Variants in SKI observed in about 807,000 individuals in gnomAD.
SKI encodes SKI proto-oncogene.
In SKI, 23 loss-of-function variants were observed where a neutral mutation model predicts 59.3. The ratio of observed to expected loss-of-function variants is 0.39; its 90% CI spans 0.28 to 0.55. SKI has a LOEUF of 0.55. Among genes scored for constraint, SKI ranks in the 20% least tolerant of loss-of-function variants. The pLI, the probability that SKI is intolerant of heterozygous loss-of-function variation, is 0.67. For missense variants in SKI, 1,017 were observed against 1,038.9 expected, an observed-to-expected ratio of 0.98 and a Z score of 0.29; for synonymous variants, 673 against 488.6, an observed-to-expected ratio of 1.38 and a Z score of -4.98.
At chr1:2,230,926 A>ACTGTCGCCTCTGCT (rs1638622010) in intron 1 of SKI, among the ~76,000 whole-genome samples, 1 of 151,998 alleles carries the variant, frequency 6.6e-6, no homozygotes, top group Non-Finnish European at 1.5e-5. Context: ...GAAGCGAGGG[A>ACTGTCGCCTCTGCT]CTGTCGCCTC....
intron 1 of SKI, among the ~76,000 whole-genome samples, chr1:2,262,841 TG>T (rs1234925595): frequency 6.6e-6 from 1 of 152,206 alleles, no homozygotes; most frequent in Non-Finnish European, 1.5e-5. Flanking sequence ...TGTTCATTCC[TG>T]GGATAGCCCC....
intron 1 of SKI, among the ~76,000 whole-genome samples, chr1:2,300,328 G>C (rs995687029): frequency 6.6e-6 from 1 of 152,260 alleles, no homozygotes; most frequent in African/African-American, 2.4e-5. Context: ...TTGCTTTGGT[G>C]TGTCAGGTCC....
chr1:2,291,861 C>A (rs1207567810), intron 1 of SKI, among the ~76,000 whole-genome samples: 1 of 152,236 alleles, frequency 6.6e-6, no homozygotes, highest in Non-Finnish European at 1.5e-5. Context: ...AAAGAAAAAT[C>A]CGAGTGAACC....
intron 1 of SKI, among the ~76,000 whole-genome samples, chr1:2,277,863 A>G (rs1456133529): frequency 1.3e-5 from 2 of 150,874 alleles, no homozygotes. Context: ...ATACGTGCAC[A>G]CACACATCAG....
chr1:2,259,962 G>A (rs942210359), intron 1 of SKI, among the ~76,000 whole-genome samples: 1 of 152,248 alleles, frequency 6.6e-6, no homozygotes, highest in Non-Finnish European at 1.5e-5. Flanking sequence ...CACAAAGAAA[G>A]CGGCTGTGAA....
intron 4 of SKI, 56 bp downstream of exon 4, chr1:2,304,158 GC>G: frequency 6.2e-7 from 1 of 1,602,092 alleles, no homozygotes; most frequent in Non-Finnish European, 8.5e-7. Context: ...GGTGGCACTG[GC>G]TGAGGGGGGC....
chr1:2,253,361 G>T (rs931057032), intron 1 of SKI, among the ~76,000 whole-genome samples: 1 of 152,194 alleles, frequency 6.6e-6, no homozygotes, highest in African/African-American at 2.4e-5. Context: ...AAGGTGGGAG[G>T]CTCCCCAGAC....
chr1:2,293,426 G>GGC (rs1553199271), intron 1 of SKI, among the ~76,000 whole-genome samples: 1 of 92,526 alleles, frequency 1.1e-5, no homozygotes, highest in Non-Finnish European at 2.3e-5. Flanking sequence ...GCCAGGGCGA[G>GGC]GCCCCCCCCC....
At position 2,270,305 on chromosome 1, in the gene SKI, G is replaced by T. The variant is rs77409011; in HGVS notation, c.970-32673G>T. On this transcript the variant is annotated intron_variant, in intron 1 of 6. Coordinates refer to ENST00000378536, the MANE Select transcript of SKI (RefSeq NM_003036.4). This position sits in a 1 kb window ranked among gnomAD's most constrained non-coding sequence, Gnocchi z 4.1. ...CCTGCGGGCCTGGCATGGGAGTAGGGGCTGAGAGATGCTGGTGACACCACT... is the reference window on the plus strand; with the variant it reads ...CCTGCGGGCCTGGCATGGGAGTAGGTGCTGAGAGATGCTGGTGACACCACT... Among the ~76,000 whole-genome samples, 8,140 of 152,310 alleles carry T rather than the reference G, an allele frequency of 0.053. 294 individuals are homozygous for T. The highest frequency in any genetic ancestry group is 0.15 in the Middle Eastern group (44 of 294).
At chr1:2,305,877 G>C (rs997742137) in intron 5 of SKI, 143 bp from the exon 6 acceptor site, 47 of 727,532 alleles carry the variant, frequency 6.5e-5, no homozygotes, top group Non-Finnish European at 1.0e-4. Flanking sequence ...CACACGGGTT[G>C]GGCTGATGGC....
chr1:2,304,174 C>A, intron 4 of SKI, 72 bp downstream of exon 4: 1 of 1,591,842 alleles, frequency 6.3e-7, no homozygotes, highest in South Asian at 1.1e-5. Context: ...GGGGGCTGGT[C>A]GCCGGGGGTG....
intron 1 of SKI, among the ~76,000 whole-genome samples, chr1:2,265,979 T>TA (rs1220190107): frequency 6.6e-6 from 1 of 151,692 alleles, no homozygotes; most frequent in Non-Finnish European, 1.5e-5. Flanking sequence ...AGGAAAAAAA[T>TA]AAAATTAAAA....
intron 1 of SKI, among the ~76,000 whole-genome samples, chr1:2,294,063 G>A (rs1378200770): frequency 6.6e-6 from 1 of 152,202 alleles, no homozygotes; most frequent in African/African-American, 2.4e-5. Flanking sequence ...GTCAGATATT[G>A]GAAGGATGTC....
At chr1:2,246,490 G>C (rs1392217966) in intron 1 of SKI, among the ~76,000 whole-genome samples, 3 of 152,172 alleles carry the variant, frequency 2.0e-5, no homozygotes, top group Non-Finnish European at 2.9e-5. Flanking sequence ...TCCTGCCTCT[G>C]TTGCTGGAGG....
intron 1 of SKI, among the ~76,000 whole-genome samples, chr1:2,295,742 G>C (rs1308797066): frequency 6.6e-6 from 1 of 151,716 alleles, no homozygotes; most frequent in Admixed American, 6.6e-5. Context: ...ACGTGTGACT[G>C]TGTGTGTCCG....
At chr1:2,262,247 C>G (rs1271640472) in intron 1 of SKI, among the ~76,000 whole-genome samples, 1 of 131,530 alleles carries the variant, frequency 7.6e-6, no homozygotes, top group Non-Finnish European at 1.6e-5. Context: ...TGGACGCCCT[C>G]GCTCCTGATC....
intron 1 of SKI, among the ~76,000 whole-genome samples, chr1:2,248,729 C>T (rs563327842): frequency 4.6e-5 from 7 of 152,228 alleles, no homozygotes; most frequent in African/African-American, 1.4e-4. Context: ...ACTGTCTTTC[C>T]TTCTCACGTC....
rs1450064216 is a variant in SKI, at chr1:2,308,569, C to T, written c.*1804C>T. 4 of 152,060 alleles carry T rather than the reference C, an allele frequency of 2.6e-5. No homozygotes were observed. The highest frequency in any genetic ancestry group is 5.9e-5 in the Non-Finnish European group (4 of 68,026). 9.4% of individuals were successfully genotyped at this position (152,060 alleles called of 1,614,324 possible). Reference sequence around the variant, plus strand: ...AGGGTCGGTTTTGTTATGCAACATGCAGAATGCTGTTTTTAGCCTTGTTTT... The same window carrying T: ...AGGGTCGGTTTTGTTATGCAACATGTAGAATGCTGTTTTTAGCCTTGTTTT... On this transcript the variant is annotated 3_prime_UTR_variant, in exon 7 of 7. Transcript: ENST00000378536.
intron 5 of SKI, among the ~76,000 whole-genome samples, chr1:2,305,445 C>T (rs989242220): frequency 6.6e-6 from 1 of 152,000 alleles, no homozygotes; most frequent in Non-Finnish European, 1.5e-5. Flanking sequence ...CCTGCGCGTG[C>T]CAGTCCCTCG....
Sources: gnomAD v4.1 joint callset for allele counts (sites outside exome capture counted in the v4.1 genomes callset) on GRCh38, gnomAD v4.1.1 for gene constraint, Gnocchi (gnomAD v3.1) non-coding constraint, MANE v1.5 for transcripts, NCBI Gene and HGNC (gene_info 2026-07-23, HGNC 2026-07-21) for gene names.